The following SRGAP3 variants were observed in gnomAD, a reference collection of about 807,000 sequenced individuals.
The protein encoded by SRGAP3 is SLIT-ROBO Rho GTPase activating protein 3.
SRGAP3 carries 39 observed loss-of-function variants against 121.1 expected under a neutral mutation model. That is an observed-to-expected ratio of 0.32 (90% CI 0.25 to 0.42). SRGAP3 has a LOEUF of 0.42. Among genes scored for constraint, SRGAP3 ranks in the 10% least tolerant of loss-of-function variants. The probability of loss-of-function intolerance (pLI) is 1.00; values close to 1 mark genes in which losing one functional copy is unlikely to be tolerated. For missense variants in SRGAP3, 1,213 were observed against 1,470.6 expected, an observed-to-expected ratio of 0.82 and a Z score of 2.86; for synonymous variants, 601 against 570.0, an observed-to-expected ratio of 1.05 and a Z score of -0.77.
chr3:8,995,941 T>C (rs1041968844), intron 18 of SRGAP3, among the ~76,000 whole-genome samples: 1 of 152,206 alleles, frequency 6.6e-6, no homozygotes, highest in African/African-American at 2.4e-5. Context: ...CATGCTGAGC[T>C]TTCTTGGGGC....
intron 3 of SRGAP3, among the ~76,000 whole-genome samples, chr3:9,313,239 C>G (rs1955280173): frequency 6.6e-6 from 1 of 152,194 alleles, no homozygotes; most frequent in Non-Finnish European, 1.5e-5. Flanking sequence ...CCCTAGATAC[C>G]CACATGGCAC....
At chr3:9,008,588 G>A (rs964274790) in intron 18 of SRGAP3, among the ~76,000 whole-genome samples, 2 of 152,020 alleles carry the variant, frequency 1.3e-5, no homozygotes, top group East Asian at 3.9e-4. Context: ...GGAGGTGGTC[G>A]GCAGAAGAAA....
At position 8,982,623 on chromosome 3, in the gene SRGAP3, C is replaced by A. The variant is rs1941476190; in HGVS notation, c.*2896G>T. The A allele has an allele frequency of 4.6e-6, 1 of 217,774 alleles. No homozygotes were observed. The highest frequency in any genetic ancestry group is 9.1e-6 in the Non-Finnish European group (1 of 109,616). 13.5% of individuals were successfully genotyped at this position (217,774 alleles called of 1,614,324 possible). ...ACAGGCAGGAGTCAGAAAGAGAAAG[C>A]CAATGTTCAGTGAACGTCGATGGGA... is the stretch of plus-strand genomic sequence containing the variant. On this transcript the variant is annotated 3_prime_UTR_variant, in exon 22 of 22. Transcript: ENST00000383836.
intron 10 of SRGAP3, among the ~76,000 whole-genome samples, chr3:9,038,825 C>A (rs1944892229): frequency 6.6e-6 from 1 of 152,206 alleles, no homozygotes; most frequent in Non-Finnish European, 1.5e-5. Flanking sequence ...CTCTCGCTAG[C>A]ATCACCAATC....
At chr3:9,068,425 C>T (rs1406414289) in intron 4 of SRGAP3, among the ~76,000 whole-genome samples, 1 of 152,208 alleles carries the variant, frequency 6.6e-6, no homozygotes, top group African/African-American at 2.4e-5. Flanking sequence ...ACAGGCCAAA[C>T]TTCCCAGACA....
chr3:9,113,502 T>A (rs544277478), intron 2 of SRGAP3, among the ~76,000 whole-genome samples: 1 of 152,288 alleles, frequency 6.6e-6, no homozygotes, highest in Admixed American at 6.5e-5. Context: ...TTTATCTGAT[T>A]ACTTCTATAA....
chr3:9,101,399 C>T (rs893927391), intron 3 of SRGAP3, among the ~76,000 whole-genome samples: 6 of 152,238 alleles, frequency 3.9e-5, no homozygotes, highest in Non-Finnish European at 7.3e-5. Flanking sequence ...CCTGGCGAGG[C>T]AGAGCCCTGC....
chr3:9,226,111 C>T (rs529751447), intron 1 of SRGAP3, among the ~76,000 whole-genome samples: 2 of 152,246 alleles, frequency 1.3e-5, no homozygotes, highest in African/African-American at 4.8e-5. Flanking sequence ...GATCCTGCCC[C>T]GCAACCCCAA....
chr3:9,230,254 C>T lies in SRGAP3; in HGVS notation c.67+18631G>A, dbSNP rs530800212. On this transcript the variant is annotated intron_variant, in intron 1 of 21. Transcript: ENST00000383836. ...AGTGAGGCTCAAAGAGATGAAAACACTTGCCCAAAGTCACACGGCTAGAAA... is the reference window on the plus strand; with the variant it reads ...AGTGAGGCTCAAAGAGATGAAAACATTTGCCCAAAGTCACACGGCTAGAAA... Among the ~76,000 whole-genome samples, 4 of 152,348 alleles carry T rather than the reference C, an allele frequency of 2.6e-5. No individual in the cohort carries two copies. In the East Asian group the frequency reaches 5.8e-4, roughly 22 times the overall value.
At chr3:9,340,202 CCTTT>C (rs1490807047) in intron 1 of SRGAP3, among the ~76,000 whole-genome samples, 1 of 152,180 alleles carries the variant, frequency 6.6e-6, no homozygotes, top group Non-Finnish European at 1.5e-5. Flanking sequence ...TCTACTGCTT[CCTTT>C]GTCTCTGACT....
chr3:9,285,382 T>C (rs1954750736), intron 3 of SRGAP3, among the ~76,000 whole-genome samples: 1 of 152,120 alleles, frequency 6.6e-6, no homozygotes. Flanking sequence ...CAGGAAGGTC[T>C]CTCTGACCCC....
At chr3:8,991,767 T>C (rs1327600054) in intron 20 of SRGAP3, among the ~76,000 whole-genome samples, 1 of 152,002 alleles carries the variant, frequency 6.6e-6, no homozygotes, top group Non-Finnish European at 1.5e-5. Context: ...GTGTTGGGAA[T>C]GGATTATGAC....
chr3:9,118,699 C>A (rs563376304), intron 2 of SRGAP3, among the ~76,000 whole-genome samples: 198 of 152,224 alleles, frequency 1.3e-3, no homozygotes, highest in Non-Finnish European at 1.5e-3. Flanking sequence ...AGGCCCCCCC[C>A]CCAAGAAGTT....
chr3:9,299,113 A>G (rs1347455374), intron 3 of SRGAP3, among the ~76,000 whole-genome samples: 3 of 150,774 alleles, frequency 2.0e-5, no homozygotes, highest in African/African-American at 7.3e-5. Flanking sequence ...CTGTAATCAC[A>G]GCACTTTGGG....
intron 2 of SRGAP3, among the ~76,000 whole-genome samples, chr3:9,116,329 G>A (rs1948804257): frequency 6.6e-6 from 1 of 152,210 alleles, no homozygotes; most frequent in Non-Finnish European, 1.5e-5. Context: ...TTTAAAGAAA[G>A]CATTTGGTAG....
At chr3:9,278,352 T>C (rs1044988586) in intron 3 of SRGAP3, among the ~76,000 whole-genome samples, 17 of 152,162 alleles carry the variant, frequency 1.1e-4, no homozygotes, top group African/African-American at 3.6e-4. Context: ...CTCCATGGCA[T>C]ACCCAGGAAG....
chr3:9,030,448 G>A (rs1944428021), intron 12 of SRGAP3, among the ~76,000 whole-genome samples: 1 of 152,146 alleles, frequency 6.6e-6, no homozygotes, highest in Admixed American at 6.5e-5. Flanking sequence ...AAGACAAGGT[G>A]TCCATTTGAA....
At chr3:9,080,204 A>T in intron 3 of SRGAP3, 117 bp from the exon 4 acceptor site, 1 of 899,912 alleles carries the variant, frequency 1.1e-6, no homozygotes. Flanking sequence ...GGGGTACAGA[A>T]ATCAGCATAA....
At chr3:9,165,812 C>T (rs1950767985) in intron 1 of SRGAP3, among the ~76,000 whole-genome samples, 1 of 152,192 alleles carries the variant, frequency 6.6e-6, no homozygotes, top group African/African-American at 2.4e-5. Flanking sequence ...AGCTCCCTAT[C>T]ACCATTTGTC....
Sources: gnomAD v4.1 joint callset for allele counts (sites outside exome capture counted in the v4.1 genomes callset) on GRCh38, gnomAD v4.1.1 for gene constraint, MANE v1.5 for transcripts, NCBI Gene and HGNC (gene_info 2026-07-23, HGNC 2026-07-21) for gene names.